Variants in VPS41 observed in about 807,000 individuals in gnomAD.
VPS41 encodes the protein vacuolar protein sorting-associated protein 41 homolog.
In VPS41, 85 loss-of-function variants were observed where a neutral mutation model predicts 130.9. That is an observed-to-expected ratio of 0.65 (90% CI 0.55 to 0.78). VPS41 has a LOEUF of 0.78. VPS41 is among the 30% of genes least tolerant of loss of function. The pLI, the probability that VPS41 is intolerant of heterozygous loss-of-function variation, is 0.00. For synonymous variants in VPS41, 335 were observed against 332.9 expected (o/e 1.01, Z -0.07); for missense variants, 874 against 1,018.7 (o/e 0.86, Z 1.93).
At chr7:38,796,690 T>G in intron 8 of VPS41, 55 bp downstream of exon 8, 1 of 1,611,490 alleles carries the variant, frequency 6.2e-7, no homozygotes, top group Non-Finnish European at 8.5e-7. Context: ...CCTATCAAGT[T>G]GGCCATTCTT....
At chr7:38,838,903 T>C (rs1211877739) in intron 4 of VPS41, among the ~76,000 whole-genome samples, 1 of 152,174 alleles carries the variant, frequency 6.6e-6, no homozygotes, top group African/African-American at 2.4e-5. Context: ...CCCCTGATAC[T>C]CCTCATCATC....
At chr7:38,786,365 G>A (rs922293680) in intron 10 of VPS41, among the ~76,000 whole-genome samples, 1 of 152,156 alleles carries the variant, frequency 6.6e-6, no homozygotes, top group Non-Finnish European at 1.5e-5. Flanking sequence ...GTGCTTGGTG[G>A]TGGTTGTTAT....
At chr7:38,749,797 G>A (rs781440978) in intron 22 of VPS41, among the ~76,000 whole-genome samples, 2 of 152,176 alleles carry the variant, frequency 1.3e-5, no homozygotes, top group South Asian at 2.1e-4. Context: ...AGCTTTTCAT[G>A]TCACATGTAA....
intron 24 of VPS41, among the ~76,000 whole-genome samples, chr7:38,742,363 C>G (rs1795898820): frequency 6.6e-6 from 1 of 152,134 alleles, no homozygotes; most frequent in Non-Finnish European, 1.5e-5. Context: ...TGTTTTAAAA[C>G]AGTTGAACAA....
intron 4 of VPS41, among the ~76,000 whole-genome samples, chr7:38,836,538 A>G (rs7788664): frequency 0.33 from 49,762 of 151,988 alleles, 8,386 homozygotes; most frequent in Middle Eastern, 0.46. Flanking sequence ...ACTGATTTAT[A>G]AGAAGTAATT....
chr7:38,902,627 G>A (rs1437940730), intron 1 of VPS41, among the ~76,000 whole-genome samples: 3 of 152,188 alleles, frequency 2.0e-5, no homozygotes, highest in Admixed American at 6.5e-5. Context: ...ACCAAGGCAC[G>A]CCTGCTCATG....
rs781072206 is a variant in VPS41, at chr7:38,869,264, G to A, written c.61-11C>T. ...TTCGCTCTCTTCTTCCTGCACAAAC[G>A]GCAAAGAAAAATGACACCCGTCAGA... is the stretch of plus-strand genomic sequence containing the variant. On this transcript the variant is annotated splice_polypyrimidine_tract_variant and intron_variant, in intron 2 of 28. Coordinates refer to ENST00000310301, the MANE Select transcript of VPS41 (RefSeq NM_014396.4). 2.1e-5 allele frequency: 34 copies of A among 1,590,948 alleles called. No homozygotes were observed. The highest frequency in any genetic ancestry group is 2.6e-5 in the Non-Finnish European group (30 of 1,167,238).
intron 11 of VPS41, chr7:38,775,551 A>G (rs1182944339): frequency 6.6e-6 from 1 of 151,014 alleles, no homozygotes; most frequent in Non-Finnish European, 1.5e-5. Flanking sequence ...CTCCCCCAGG[A>G]GCCACTGCTT....
At chr7:38,744,267 G>A (rs1346581269) in intron 23 of VPS41, among the ~76,000 whole-genome samples, 1 of 152,112 alleles carries the variant, frequency 6.6e-6, no homozygotes, top group Non-Finnish European at 1.5e-5. Flanking sequence ...ATGTAAGAAA[G>A]CCTTACTCAG....
At chr7:38,876,987 C>G (rs1786505902) in intron 2 of VPS41, among the ~76,000 whole-genome samples, 1 of 152,114 alleles carries the variant, frequency 6.6e-6, no homozygotes, top group African/African-American at 2.4e-5. Context: ...TATGGAATAA[C>G]CTCACCAATC....
At chr7:38,819,131 T>A (rs546260145) in intron 6 of VPS41, among the ~76,000 whole-genome samples, 1 of 152,250 alleles carries the variant, frequency 6.6e-6, no homozygotes, top group Non-Finnish European at 1.5e-5. Context: ...AAACACATTA[T>A]GTTACCCTTT....
At chr7:38,817,477 G>A (rs1785076384) in intron 7 of VPS41, among the ~76,000 whole-genome samples, 1 of 152,122 alleles carries the variant, frequency 6.6e-6, no homozygotes, top group African/African-American at 2.4e-5. Context: ...AATTAGCCAG[G>A]CACGATAGTG....
At chr7:38,848,724 T>A (rs866239923) in intron 4 of VPS41, among the ~76,000 whole-genome samples, 93 of 152,320 alleles carry the variant, frequency 6.1e-4, no homozygotes, top group Middle Eastern at 3.4e-3. Flanking sequence ...CAGGGCTGGC[T>A]GGCTGGCGTC....
At chr7:38,777,016 C>A (rs1477464960) in intron 10 of VPS41, among the ~76,000 whole-genome samples, 1 of 152,138 alleles carries the variant, frequency 6.6e-6, no homozygotes, top group Non-Finnish European at 1.5e-5. Context: ...ATGAATCCAA[C>A]AATAATAGCA....
chr7:38,776,876 T>C (rs1784270019), intron 10 of VPS41, 100 bp from the exon 11 acceptor site: 1 of 609,212 alleles, frequency 1.6e-6, no homozygotes, highest in South Asian at 2.3e-5. Context: ...GACCCCTTTT[T>C]AAAAGCTAAC....
intron 1 of VPS41, among the ~76,000 whole-genome samples, chr7:38,906,079 A>G (rs1235987895): frequency 6.6e-6 from 1 of 151,730 alleles, no homozygotes; most frequent in Non-Finnish European, 1.5e-5. Flanking sequence ...TACAGGCATG[A>G]GCCACCGCAC....
intron 4 of VPS41, among the ~76,000 whole-genome samples, chr7:38,834,814 C>T (rs768789095): frequency 6.6e-6 from 1 of 150,456 alleles, no homozygotes; most frequent in South Asian, 2.1e-4. Context: ...TCAAGCTACT[C>T]AAATGTTCTC....
chr7:38,728,889 G>T, intron 25 of VPS41, 98 bp from the exon 26 acceptor site: 2 of 1,066,294 alleles, frequency 1.9e-6, no homozygotes, highest in Admixed American at 2.1e-5. Flanking sequence ...TGGCATGCTT[G>T]AAATACTCAA....
intron 10 of VPS41, among the ~76,000 whole-genome samples, chr7:38,782,189 C>G (rs1365745438): frequency 6.6e-6 from 1 of 152,222 alleles, no homozygotes; most frequent in African/African-American, 2.4e-5. Context: ...GGAGGCCTGG[C>G]TGCTCCACAG....
Sources: allele counts gnomAD v4.1 joint callset (sites outside exome capture counted in the v4.1 genomes callset), GRCh38; gene constraint gnomAD v4.1.1; transcripts MANE v1.5; gene names NCBI Gene and HGNC (gene_info 2026-07-23, HGNC 2026-07-21).